Variants in GJB5 observed in about 807,000 individuals in gnomAD.
GJB5 encodes gap junction protein beta 5, also known as gap junction beta-5 protein.
For missense variants in GJB5, 333 were observed against 357.9 expected (o/e 0.93, Z 0.56); for synonymous variants, 146 against 145.5 (o/e 1.00, Z -0.02).
Position 34,757,810 on chromosome 1 carries a change from T to C in GJB5, c.480T>C (p.Pro160=). The C allele has an allele frequency of 6.2e-7, 1 of 1,613,968 alleles. No homozygotes were observed. Among genetic ancestry groups the C allele is most frequent in the Non-Finnish European group, 8.5e-7 (1 of 1,179,986 alleles). Residue 160 remains proline, a synonymous_variant, in exon 2 of 2, where the codon CCT becomes CCC. Transcript: ENST00000338513. ...TCTACCCCAAATATATCCTCCCTCC[T>C]GTGGTCAAGTGCCACGCAGATCCAT... ...HSFYPKYILP[P]VVKCHADPCP...
chr1:34,758,048 C>T lies in GJB5; in HGVS notation c.718C>T (p.Gln240Ter). The change falls in exon 2 of 2, where the codon CAA becomes TAA. Residue 240 changes from glutamine (Q) to a stop codon, truncating the protein, a stop_gained. Transcript: ENST00000338513. LOFTEE classifies it low-confidence loss of function (END_TRUNC). Reference protein sequence around the residue: ...HPHGTTSSCKQDDLLSGDLIF... With the variant: ...HPHGTTSSCK The stretch of plus-strand genomic sequence containing the variant: ...CCACGGTACCACCTCTTCCTGCAAA[C>T]AAGACGACCTCCTTTCGGGTGACCT... 1 of 1,614,022 alleles carries T rather than the reference C, an allele frequency of 6.2e-7. No homozygotes were observed. Among genetic ancestry groups the T allele is most frequent in the Non-Finnish European group, 8.5e-7 (1 of 1,180,010 alleles).
chr1:34,757,804 C>A lies in GJB5; in HGVS notation c.474C>A (p.Leu158=), dbSNP rs1639622977. 6.2e-7 allele frequency: 1 copy of A among 1,613,792 alleles called. No homozygotes were observed. Among genetic ancestry groups the A allele is most frequent in the Non-Finnish European group, 8.5e-7 (1 of 1,179,952 alleles). ...VFHSFYPKYI[L]PPVVKCHADP... Reference sequence around the variant, plus strand: ...ACTCATTCTACCCCAAATATATCCTCCCTCCTGTGGTCAAGTGCCACGCAG... The same window carrying A: ...ACTCATTCTACCCCAAATATATCCTACCTCCTGTGGTCAAGTGCCACGCAG... Residue 158 remains leucine, a synonymous_variant, in exon 2 of 2, where the codon CTC becomes CTA. Coordinates refer to ENST00000338513, the MANE Select transcript of GJB5 (RefSeq NM_005268.4).
intron 1 of GJB5, among the ~76,000 whole-genome samples, chr1:34,756,414 G>A (rs534243733): frequency 5.3e-5 from 8 of 152,286 alleles, no homozygotes; most frequent in Non-Finnish European, 1.2e-4. Flanking sequence ...GGAGGAAAAG[G>A]GCTTCTGTGG....
At chr1:34,755,492 C>A (rs1249926100) in intron 1 of GJB5, among the ~76,000 whole-genome samples, 2 of 143,786 alleles carry the variant, frequency 1.4e-5, no homozygotes, top group Non-Finnish European at 3.0e-5. Context: ...AAGGGCGGGG[C>A]CTTCCTGGGT....
rs889444418 is a variant in GJB5 at position 34,758,460 on chromosome 1, C to T, written c.*308C>T. 3 of 426,814 alleles carry T rather than the reference C, an allele frequency of 7.0e-6. No individual in the cohort carries two copies. Among genetic ancestry groups the T allele is most frequent in the Non-Finnish European group, 1.3e-5 (3 of 225,332 alleles). 26.4% of individuals were successfully genotyped at this position (426,814 alleles called of 1,614,324 possible). A position where few individuals can be genotyped will look rare whatever the true frequency, so the allele number is the denominator to read the frequency against. Reference sequence around the variant, plus strand: ...AGAAGAACACACATGCGGGCACCTTCATCGTGTGTGGCCCACTGTCAGAAC... The same window carrying T: ...AGAAGAACACACATGCGGGCACCTTTATCGTGTGTGGCCCACTGTCAGAAC... On this transcript the variant is annotated 3_prime_UTR_variant, in exon 2 of 2. Transcript: ENST00000338513.
chr1:34,756,526 C>A (rs866206591), intron 1 of GJB5, among the ~76,000 whole-genome samples: 2 of 152,230 alleles, frequency 1.3e-5, no homozygotes, highest in Non-Finnish European at 2.9e-5. Flanking sequence ...TTTAACTTTA[C>A]TAAACCCAAT....
chr1:34,758,043 G>A lies in GJB5; in HGVS notation c.713G>A (p.Cys238Tyr). ...GHHPHGTTSS[C>Y]KQDDLLSGDL... Reference sequence around the variant, plus strand: ...CACCCCCACGGTACCACCTCTTCCTGCAAACAAGACGACCTCCTTTCGGGT... The same window carrying A: ...CACCCCCACGGTACCACCTCTTCCTACAAACAAGACGACCTCCTTTCGGGT... Residue 238 changes from cysteine to tyrosine, a missense_variant, in exon 2 of 2, where the codon TGC becomes TAC. Coordinates refer to ENST00000338513, the MANE Select transcript of GJB5 (RefSeq NM_005268.4). The A allele has an allele frequency of 6.2e-7, 1 of 1,613,984 alleles. No individual in the cohort carries two copies. Among genetic ancestry groups the A allele is most frequent in the South Asian group, 1.1e-5 (1 of 91,076 alleles).
chr1:34,755,271 G>A (rs1639559607), intron 1 of GJB5, 76 bp downstream of exon 1: 1 of 152,480 alleles, frequency 6.6e-6, no homozygotes, highest in African/African-American at 2.4e-5. Context: ...CTGGGGAGTG[G>A]TGGGATGTGG....
At chr1:34,755,691 A>G (rs1033386639) in intron 1 of GJB5, among the ~76,000 whole-genome samples, 2 of 151,680 alleles carry the variant, frequency 1.3e-5, no homozygotes, top group African/African-American at 4.8e-5. Flanking sequence ...ATCCACACAC[A>G]AGGGGAAGGA....
Position 34,757,318 on chromosome 1 carries a change from G to A in GJB5, c.-13G>A, listed in dbSNP as rs375571058. 1.4e-5 allele frequency: 22 copies of A among 1,574,098 alleles called. No individual in the cohort carries two copies. The highest frequency in any genetic ancestry group is 1.7e-4 in the Middle Eastern group (1 of 5,976). ...TTGTTTCCCTGCAGTAGCAGCTGAC[G>A]CGTGGGTCCACCATGAACTGGAGTA... On this transcript the variant is annotated 5_prime_UTR_variant, in exon 2 of 2. Transcript: ENST00000338513.
Position 34,758,065 on chromosome 1 carries a change from G to T in GJB5, c.735G>T (p.Ser245=), listed in dbSNP as rs758564835. The part of the protein sequence containing the change: ...TSSCKQDDLL[S]GDLIFLGSDS... ...CCTGCAAACAAGACGACCTCCTTTC[G>T]GGTGACCTCATCTTTCTGGGCTCAG... The change falls in exon 2 of 2, where the codon TCG becomes TCT. Residue 245 remains serine, a synonymous_variant. Transcript: ENST00000338513. 1 of 1,613,918 alleles carries T rather than the reference G, an allele frequency of 6.2e-7. No individual in the cohort carries two copies. Among genetic ancestry groups the T allele is most frequent in the Non-Finnish European group, 8.5e-7 (1 of 1,180,000 alleles).
chr1:34,757,339 G>C lies in GJB5; in HGVS notation c.9G>C (p.Trp3Cys). 1 of 1,611,150 alleles carries C rather than the reference G, an allele frequency of 6.2e-7. No individual in the cohort carries two copies. Among genetic ancestry groups the C allele is most frequent in the South Asian group, 1.1e-5 (1 of 91,014 alleles). MN[W>C]SIFEGLLSGV... ...TGACGCGTGGGTCCACCATGAACTG[G>C]AGTATCTTTGAGGGACTCCTGAGTG... Residue 3 changes from tryptophan (W) to cysteine (C), a missense_variant, in exon 2 of 2, where the codon TGG becomes TGC. Transcript: ENST00000338513.
At position 34,757,681 on chromosome 1, in the gene GJB5, C is replaced by T. The variant is rs752028375; in HGVS notation, c.351C>T (p.Tyr117=). 1.8e-5 allele frequency: 29 copies of T among 1,613,896 alleles called. 1 individual carries two copies. In the South Asian group the frequency reaches 3.2e-4, roughly 18 times the overall value. ...ATGGGGAGAACAGTGGGCGCCTCTA[C>T]CTGAACCCCGGCAAGAAGCGGGGTG... is the stretch of plus-strand genomic sequence containing the variant. ...EAHGENSGRL[Y]LNPGKKRGGL... The change falls in exon 2 of 2, where the codon TAC becomes TAT. Residue 117 remains tyrosine, a synonymous_variant. Coordinates refer to ENST00000338513, the MANE Select transcript of GJB5 (RefSeq NM_005268.4).
intron 1 of GJB5, among the ~76,000 whole-genome samples, chr1:34,756,739 C>T (rs1362206900): frequency 7.3e-6 from 1 of 136,580 alleles, no homozygotes; most frequent in African/African-American, 3.0e-5. Context: ...CAGGACTCTG[C>T]CTGGCTAATT....
Position 34,758,190 on chromosome 1 carries a change from T to G in GJB5, c.*38T>G. The G allele has an allele frequency of 1.3e-6, 2 of 1,518,810 alleles. No individual in the cohort carries two copies. The highest frequency in any genetic ancestry group is 2.3e-5 in the South Asian group (2 of 86,350). 94.1% of individuals were successfully genotyped at this position (1,518,810 alleles called of 1,614,324 possible). ...ACTGGTCTGGCAGGTTGGGCCTGGA[T>G]GGGGAGGCTCTAGCATCTCTCATAG... On this transcript the variant is annotated 3_prime_UTR_variant, in exon 2 of 2. Transcript: ENST00000338513.
Position 34,757,689 on chromosome 1 carries a change from C to T in GJB5, c.359C>T (p.Pro120Leu), listed in dbSNP as rs370481041. 6.2e-7 allele frequency: 1 copy of T among 1,613,734 alleles called. No homozygotes were observed. The highest frequency in any genetic ancestry group is 8.5e-7 in the Non-Finnish European group (1 of 1,179,978). ...AACAGTGGGCGCCTCTACCTGAACC[C>T]CGGCAAGAAGCGGGGTGGGCTCTGG... Reference protein sequence around the residue: ...GENSGRLYLNPGKKRGGLWWT... With the variant: ...GENSGRLYLNLGKKRGGLWWT... The change falls in exon 2 of 2, where the codon CCC becomes CTC. Residue 120 changes from proline (P) to leucine (L), a missense_variant. Physicochemically the swap from Pro to Leu is moderately conservative, Grantham distance 98 (BLOSUM62 -3). Transcript: ENST00000338513.
At chr1:34,755,581 C>G (rs954989302) in intron 1 of GJB5, among the ~76,000 whole-genome samples, 1 of 152,144 alleles carries the variant, frequency 6.6e-6, no homozygotes, top group Non-Finnish European at 1.5e-5. Context: ...GAGCTCCCCC[C>G]AACCCCGGCC....
rs1639640929 is a variant in GJB5, at chr1:34,758,439, G to A, written c.*287G>A. On this transcript the variant is annotated 3_prime_UTR_variant, in exon 2 of 2. Coordinates refer to ENST00000338513, the MANE Select transcript of GJB5 (RefSeq NM_005268.4). The stretch of plus-strand genomic sequence containing the variant: ...TGGAGGGAGGAGGGCGTTCATAGAA[G>A]AACACACATGCGGGCACCTTCATCG... The A allele has an allele frequency of 2.0e-6, 1 of 490,608 alleles. No homozygotes were observed. The highest frequency in any genetic ancestry group is 3.7e-5 in the East Asian group (1 of 27,310). The allele number at this position is 490,608 out of a possible 1,614,324, so 30.4% of individuals were successfully genotyped here.
chr1:34,757,996 T>C lies in GJB5; in HGVS notation c.666T>C (p.Ala222=). The C allele has an allele frequency of 6.2e-7, 1 of 1,613,896 alleles. No homozygotes were observed. The highest frequency in any genetic ancestry group is 8.5e-7 in the Non-Finnish European group (1 of 1,179,994). ...RCHECLAARK[A]QAMCTGHHPH... ...ACGAGTGCCTGGCAGCAAGGAAAGC[T>C]CAAGCCATGTGCACAGGTCATCACC... The change falls in exon 2 of 2, where the codon GCT becomes GCC. Residue 222 remains alanine (A), a synonymous_variant. Coordinates refer to ENST00000338513, the MANE Select transcript of GJB5 (RefSeq NM_005268.4).
Sources: allele counts gnomAD v4.1 joint callset (sites outside exome capture counted in the v4.1 genomes callset), GRCh38; gene constraint gnomAD v4.1.1; transcripts MANE v1.5; gene names NCBI Gene and HGNC (gene_info 2026-07-23, HGNC 2026-07-21).